Variants in VRK2 observed in about 807,000 individuals in gnomAD.
VRK2 encodes the protein serine/threonine-protein kinase VRK2.
VRK2 carries 60 observed loss-of-function variants against 57.6 expected under a neutral mutation model. The ratio of observed to expected loss-of-function variants is 1.04; its 90% CI spans 0.85 to 1.29. VRK2 has a LOEUF of 1.29. VRK2 is among the 50% of genes most tolerant of loss of function. The pLI is 0.00. For missense variants in VRK2, 705 were observed against 588.1 expected (o/e 1.20, Z -2.06); for synonymous variants, 231 against 199.2 (o/e 1.16, Z -1.35).
intron 8 of VRK2, among the ~76,000 whole-genome samples, chr2:58,127,520 C>A (rs1336986113): frequency 6.6e-6 from 1 of 152,094 alleles, no homozygotes; most frequent in African/African-American, 2.4e-5. Flanking sequence ...TTCCTGATAT[C>A]CTTTTTGAAA....
intron 1 of VRK2, among the ~76,000 whole-genome samples, chr2:57,972,305 A>G (rs1417475837): frequency 6.6e-6 from 1 of 151,798 alleles, no homozygotes; most frequent in African/African-American, 2.4e-5. Context: ...TCTAACTCCA[A>G]TGTATAATTT....
intron 1 of VRK2, among the ~76,000 whole-genome samples, chr2:57,994,747 A>G (rs1454082196): frequency 1.3e-5 from 2 of 149,004 alleles, no homozygotes; most frequent in Admixed American, 1.3e-4. Context: ...TACAAATTAA[A>G]CCTGAAAAAA....
intron 2 of VRK2, chr2:58,058,616 T>A (rs148210643): frequency 5.4e-4 from 131 of 244,816 alleles, no homozygotes; most frequent in African/African-American, 2.7e-3. Flanking sequence ...GAGTAGTAGA[T>A]GTGTCAGATG....
intron 2 of VRK2, among the ~76,000 whole-genome samples, chr2:58,055,296 C>G (rs1475339581): frequency 6.6e-6 from 1 of 152,146 alleles, no homozygotes; most frequent in East Asian, 1.9e-4. Context: ...GTATGTGAAT[C>G]AAGTTTAAGT....
At chr2:58,102,678 A>T (rs368220627) in intron 7 of VRK2, among the ~76,000 whole-genome samples, 1 of 151,610 alleles carries the variant, frequency 6.6e-6, no homozygotes, top group South Asian at 2.1e-4. Flanking sequence ...CCCCACTCAC[A>T]GCACCAGACA....
chr2:57,975,251 G>T (rs540400862), intron 1 of VRK2, among the ~76,000 whole-genome samples: 2 of 152,016 alleles, frequency 1.3e-5, no homozygotes, highest in East Asian at 3.9e-4. Flanking sequence ...TGACTGAGAT[G>T]AAACACACCC....
chr2:58,027,588 T>G (rs1315244177), intron 2 of VRK2, among the ~76,000 whole-genome samples: 30 of 152,128 alleles, frequency 2.0e-4, no homozygotes, highest in Admixed American at 2.0e-3. Flanking sequence ...AAAGGGGGAC[T>G]GCAGAGTTTA....
In VRK2 at chr2:57,952,643, A is replaced by T. The variant is rs558188320; in HGVS notation, c.-439+44804A>T. On this transcript the variant is annotated intron_variant, in intron 1 of 15. Coordinates refer to the VRK2 transcript ENST00000417641. The stretch of plus-strand genomic sequence containing the variant: ...ACACATAAAAGTGAATTAAAGTAAC[A>T]TTTATGTAAGTATTCTCGGATACAT... 5.3e-5 allele frequency among the ~76,000 whole-genome samples: 8 copies of T among 152,170 alleles called. No individual in the cohort carries two copies. The South Asian group carries it at 1.7e-3, about 32-fold the overall frequency.
At chr2:57,935,998 T>C (rs1670892249) in intron 1 of VRK2, among the ~76,000 whole-genome samples, 1 of 152,196 alleles carries the variant, frequency 6.6e-6, no homozygotes, top group African/African-American at 2.4e-5. Flanking sequence ...ATTCTCAAAA[T>C]TGCTGCATCT....
intron 11 of VRK2, among the ~76,000 whole-genome samples, chr2:58,144,125 T>C (rs542785492): frequency 6.6e-6 from 1 of 151,908 alleles, no homozygotes; most frequent in South Asian, 2.1e-4. Flanking sequence ...GACATTATGC[T>C]AAGTGAAATA....
At chr2:58,043,407 A>G (rs1674540945), upstream of VRK2, among the ~76,000 whole-genome samples, 2 of 152,230 alleles carry the variant, frequency 1.3e-5, no homozygotes. Flanking sequence ...TGTATCTATT[A>G]CCACAGTAAA....
chr2:58,123,779 A>G (rs775068023), intron 8 of VRK2, among the ~76,000 whole-genome samples: 1 of 151,908 alleles, frequency 6.6e-6, no homozygotes, highest in Non-Finnish European at 1.5e-5. Flanking sequence ...CACTTGAGCC[A>G]AGGAGGTTGA....
chr2:58,071,943 G>T (rs1669416526), intron 2 of VRK2, among the ~76,000 whole-genome samples: 1 of 151,812 alleles, frequency 6.6e-6, no homozygotes, highest in South Asian at 2.1e-4. Context: ...TCATGATGAA[G>T]ATTTTCTTTC....
chr2:58,037,914 C>A (rs1373823294), intron 3 of VRK2, among the ~76,000 whole-genome samples: 1 of 152,064 alleles, frequency 6.6e-6, no homozygotes, highest in African/African-American at 2.4e-5. Context: ...AATAATTTGC[C>A]ATCTCATTGG....
chr2:58,051,657 G>T (rs1434024745), intron 2 of VRK2, among the ~76,000 whole-genome samples: 1 of 152,150 alleles, frequency 6.6e-6, no homozygotes, highest in African/African-American at 2.4e-5. Flanking sequence ...ACTGCCTAAG[G>T]CTGAGAAGAA....
intron 1 of VRK2, among the ~76,000 whole-genome samples, chr2:57,920,667 A>G (rs1467022506): frequency 6.6e-6 from 1 of 152,124 alleles, no homozygotes; most frequent in Non-Finnish European, 1.5e-5. Context: ...CCTGAGAGTA[A>G]CAAAAACATG....
chr2:57,948,032 C>T (rs1158201236), intron 1 of VRK2, among the ~76,000 whole-genome samples: 1 of 152,082 alleles, frequency 6.6e-6, no homozygotes, highest in Non-Finnish European at 1.5e-5. Context: ...ATTCTAGTGT[C>T]CAAAGCCATG....
chr2:58,023,560 T>C (rs1310336796), intron 1 of VRK2, among the ~76,000 whole-genome samples: 1 of 152,202 alleles, frequency 6.6e-6, no homozygotes, highest in African/African-American at 2.4e-5. Context: ...ATAGTAAATG[T>C]ATTTTTTGAA....
At chr2:57,920,294 T>A (rs1325132227) in intron 1 of VRK2, among the ~76,000 whole-genome samples, 2 of 152,056 alleles carry the variant, frequency 1.3e-5, no homozygotes, top group Non-Finnish European at 1.5e-5. Flanking sequence ...ACTCATATCA[T>A]TTTTGGACTT....
Sources: gnomAD v4.1 joint callset for allele counts (sites outside exome capture counted in the v4.1 genomes callset) on GRCh38, gnomAD v4.1.1 for gene constraint, MANE v1.5 for transcripts, NCBI Gene and HGNC (gene_info 2026-07-23, HGNC 2026-07-21) for gene names.